The following STK11 variants were observed in gnomAD, a reference collection of about 807,000 sequenced individuals.
STK11 encodes serine/threonine kinase 11, also known as serine/threonine-protein kinase STK11.
A neutral mutation model predicts 47.3 loss-of-function variants in STK11; 8 were observed. The observed-to-expected ratio is 0.17, with a 90% CI of 0.10 to 0.31. The LOEUF is 0.31. Ranked by LOEUF, STK11 falls within the 10% of genes least tolerant of loss-of-function variation. The pLI is 1.00. For missense variants in STK11, 475 were observed against 605.0 expected, an observed-to-expected ratio of 0.79 and a Z score of 2.25; for synonymous variants, 330 against 255.8, an observed-to-expected ratio of 1.29 and a Z score of -2.77.
chr19:1,207,221 G>T lies in STK11; in HGVS notation c.290+18G>T, dbSNP rs757929417. The T allele has an allele frequency of 6.3e-7, 1 of 1,585,558 alleles. No homozygotes were observed. The highest frequency in any genetic ancestry group is 2.3e-5 in the East Asian group (1 of 43,506). On this transcript the variant is annotated intron_variant, in intron 1 of 9. Transcript: ENST00000326873. ...GTGAAGAAGTAAGTATGGCTTGCTG[G>T]GGTCGGGGCCGGGCCGGGCCAGTCA...
intron 1 of STK11, among the ~76,000 whole-genome samples, chr19:1,217,932 C>T (rs1303995298): frequency 6.6e-6 from 1 of 152,176 alleles, no homozygotes; most frequent in Non-Finnish European, 1.5e-5. Flanking sequence ...ATCACAAGGT[C>T]AGGAGATCGA....
intron 3 of STK11, among the ~76,000 whole-genome samples, chr19:1,219,695 G>A (rs889373358): frequency 2.6e-5 from 4 of 152,022 alleles, no homozygotes; most frequent in African/African-American, 4.8e-5. Flanking sequence ...ACAGGCGCCC[G>A]CCACCACGCC....
rs1159834424 is a variant in STK11, at chr19:1,219,339, G to A, written c.390G>A (p.Glu130=). 6.3e-7 allele frequency: 1 copy of A among 1,591,270 alleles called. No individual in the cohort carries two copies. The highest frequency in any genetic ancestry group is 1.7e-4 in the Middle Eastern group (1 of 6,036). The change falls in exon 3 of 10, where the codon GAG becomes GAA. Residue 130 remains glutamate (E), a synonymous_variant. Coordinates refer to ENST00000326873, the MANE Select transcript of STK11 (RefSeq NM_000455.5). ...EEKQKMYMVM[E]YCVCGMQEML... is the part of the protein sequence containing the mutation. ...AGCGCCCCACGTATATGGTGATGGA[G>A]TACTGCGTGTGTGGCATGCAGGAAA...
intron 1 of STK11, among the ~76,000 whole-genome samples, chr19:1,209,204 G>T (rs1599917601): frequency 9.9e-6 from 1 of 100,778 alleles, no homozygotes; most frequent in South Asian, 4.3e-4. Flanking sequence ...AGATGGGTTG[G>T]TCAGGGGCTA....
rs1391733218 is a variant in STK11, at chr19:1,228,313, GA to G, written c.*741del. The stretch of plus-strand genomic sequence containing the variant: ...GTGCGGTCAATATTTATATCATCCA[GA>G]AAAGAAAAACACGAGAAACGCCATC... On this transcript the variant is annotated 3_prime_UTR_variant, in exon 10 of 10. Transcript: ENST00000326873. 3.8e-6 allele frequency: 1 copy of G among 264,590 alleles called. No individual in the cohort carries two copies. Among genetic ancestry groups the G allele is most frequent in the Admixed American group, 5.6e-5 (1 of 17,736 alleles). The allele number at this position is 264,590 out of a possible 1,614,324, so 16.4% of individuals were successfully genotyped here.
chr19:1,211,012 C>T (rs1007605907), intron 1 of STK11, among the ~76,000 whole-genome samples: 1 of 152,162 alleles, frequency 6.6e-6, no homozygotes, highest in African/African-American at 2.4e-5. Flanking sequence ...AATAGAAAAA[C>T]TAGCCAGGTG....
chr19:1,223,825 G>C, intron 8 of STK11: 4 of 1,030,292 alleles, frequency 3.9e-6, no homozygotes, highest in Non-Finnish European at 4.7e-6. Flanking sequence ...CTCCCGGCTT[G>C]GCTGTGTTCG....
intron 8 of STK11, chr19:1,225,795 C>T (rs768120573): frequency 3.3e-4 from 327 of 985,454 alleles, no homozygotes; most frequent in Non-Finnish European, 3.8e-4. Context: ...CCAACCACCA[C>T]GGCTCCTCGC....
At chr19:1,209,693 C>T (rs2145409776) in intron 1 of STK11, among the ~76,000 whole-genome samples, 1 of 152,132 alleles carries the variant, frequency 6.6e-6, no homozygotes, top group East Asian at 1.9e-4. Context: ...AGGGTGGAAG[C>T]CTGACTGTGA....
intron 8 of STK11, chr19:1,224,446 G>T: frequency 2.0e-6 from 2 of 985,430 alleles, no homozygotes; most frequent in Non-Finnish European, 2.4e-6. Context: ...TTTGACCCCA[G>T]GCCCAGGGTC....
Position 1,206,665 on chromosome 19 carries a change from C to T in STK11, c.-249C>T, listed in dbSNP as rs543688851. 5.5e-6 allele frequency: 3 copies of T among 544,110 alleles called. No individual in the cohort carries two copies. The highest frequency in any genetic ancestry group is 5.1e-5 in the South Asian group (2 of 39,448). 33.7% of individuals were successfully genotyped at this position (544,110 alleles called of 1,614,324 possible). The stretch of plus-strand genomic sequence containing the variant: ...CCACTGGAACTCGCGTCTGAGCCGC[C>T]GTCCCGGACCCCCGGTGCCCGCCGG... On this transcript the variant is annotated 5_prime_UTR_variant, in exon 1 of 10. Coordinates refer to ENST00000326873, the MANE Select transcript of STK11 (RefSeq NM_000455.5).
rs1231635380 is a variant in STK11, at chr19:1,206,534, C to T, written c.-380C>T. 1.6e-5 allele frequency: 5 copies of T among 315,084 alleles called. No homozygotes were observed. Among genetic ancestry groups the T allele is most frequent in the South Asian group, 1.3e-4 (2 of 15,952 alleles). 19.5% of individuals were successfully genotyped at this position (315,084 alleles called of 1,614,324 possible). On this transcript the variant is annotated 5_prime_UTR_variant, in exon 1 of 10. Coordinates refer to ENST00000326873, the MANE Select transcript of STK11 (RefSeq NM_000455.5). ...TCATACTTGTCCGTGGGCCTGAGGT[C>T]CCCGGAGGATGACCTAGCACTGAAA...
chr19:1,223,964 C>T (rs767023362), intron 8 of STK11: 54 of 1,010,372 alleles, frequency 5.3e-5, no homozygotes, highest in African/African-American at 2.9e-4. Context: ...GGGCAGGGGC[C>T]GGCCTGAGAA....
Position 1,226,725 on chromosome 19 carries a change from C to A in STK11, c.*16+62C>A, listed in dbSNP as rs1265098857. On this transcript the variant is annotated intron_variant, in intron 9 of 9. Coordinates refer to ENST00000326873, the MANE Select transcript of STK11 (RefSeq NM_000455.5). ...ACAACGCCTGGATGCCACAGCCAGC[C>A]GTGAGCATAGCCCGCGCTAGTCAGT... is the stretch of plus-strand genomic sequence containing the variant. 4 of 1,434,306 alleles carry A rather than the reference C, an allele frequency of 2.8e-6. No individual in the cohort carries two copies. In the South Asian group the frequency reaches 4.4e-5, roughly 16 times the overall value. 88.8% of individuals were successfully genotyped at this position (1,434,306 alleles called of 1,614,324 possible).
rs1060503781 is a variant in STK11 at position 1,220,463 on chromosome 19, C to T, written c.555C>T (p.Thr185=). 2 of 1,606,912 alleles carry T rather than the reference C, an allele frequency of 1.2e-6. No individual in the cohort carries two copies. Among genetic ancestry groups the T allele is most frequent in the South Asian group, 1.1e-5 (1 of 89,946 alleles). The change falls in exon 4 of 10, where the codon ACC becomes ACT. Residue 185 remains threonine, a synonymous_variant. Coordinates refer to ENST00000326873, the MANE Select transcript of STK11 (RefSeq NM_000455.5). ...TCAAGCCGGGGAACCTGCTGCTCAC[C>T]ACCGGTGGCACCCTCAAAATCTCCG... ...KDIKPGNLLL[T]TGGTLKISDL... is the part of the protein sequence containing the mutation.
chr19:1,224,853 C>T (rs1389800581), intron 8 of STK11: 12 of 985,486 alleles, frequency 1.2e-5, no homozygotes, highest in Non-Finnish European at 1.4e-5. Flanking sequence ...GTGGACGCCC[C>T]TCCCACTGCT....
chr19:1,218,680 A>T (rs1298332249), intron 2 of STK11, among the ~76,000 whole-genome samples, 180 bp downstream of exon 2: 1 of 152,004 alleles, frequency 6.6e-6, no homozygotes, highest in African/African-American at 2.4e-5. Flanking sequence ...CAGCTTGCTG[A>T]AAGGGGCCCT....
Position 1,220,369 on chromosome 19 carries a change from G to C in STK11, c.465-4G>C, listed in dbSNP as rs587780009. 1.3e-6 allele frequency: 2 copies of C among 1,598,454 alleles called. No homozygotes were observed. The highest frequency in any genetic ancestry group is 2.7e-5 in the African/African-American group (2 of 74,738). ...GCCCCAGGACGGGTGTGTGCTGCCC[G>C]CAGGTACTTCTGTCAGCTGATTGAC... is the stretch of plus-strand genomic sequence containing the variant. On this transcript the variant is annotated splice_polypyrimidine_tract_variant and splice_region_variant and intron_variant, in intron 3 of 9. Coordinates refer to ENST00000326873, the MANE Select transcript of STK11 (RefSeq NM_000455.5).
chr19:1,219,977 C>G (rs1248675579), intron 3 of STK11: 1 of 211,608 alleles, frequency 4.7e-6, no homozygotes, highest in African/African-American at 2.3e-5. Context: ...TGCTTCCAGC[C>G]CATCGCTGGC....
Sources: allele counts gnomAD v4.1 joint callset (sites outside exome capture counted in the v4.1 genomes callset), GRCh38; gene constraint gnomAD v4.1.1; transcripts MANE v1.5; gene names NCBI Gene and HGNC (gene_info 2026-07-23, HGNC 2026-07-21).